The following ETFA variants were observed in gnomAD, a reference collection of about 807,000 sequenced individuals.
ETFA encodes the protein electron transfer flavoprotein subunit alpha.
Under a neutral mutation model 46.2 loss-of-function variants are expected in ETFA, and 22 were observed. That is an observed-to-expected ratio of 0.48 (90% confidence interval 0.34 to 0.68). The LOEUF is 0.68. ETFA is among the 30% of genes least tolerant of loss of function. The pLI is 0.01. For synonymous variants in ETFA, 131 were observed against 139.9 expected (o/e 0.94, Z 0.45); for missense variants, 345 against 401.1 (o/e 0.86, Z 1.19).
In ETFA at chr15:76,254,277, T is replaced by G. The variant is rs2039328922; in HGVS notation, c.816+20135A>C. The stretch of plus-strand genomic sequence containing the variant: ...GAACCACAGAGGGAGAACCACAAAC[T>G]CTGTACATACACTCCACTCAAAACT... On this transcript the variant is annotated intron_variant, in intron 9 of 11. Coordinates refer to ENST00000557943, the MANE Select transcript of ETFA (RefSeq NM_000126.4). 3.9e-5 allele frequency among the ~76,000 whole-genome samples: 6 copies of G among 152,068 alleles called. No individual in the cohort carries two copies. In the South Asian group the frequency reaches 1.2e-3, roughly 32 times the overall value.
intron 4 of ETFA, among the ~76,000 whole-genome samples, chr15:76,288,920 C>CTTCTTCTTCT (rs1225461781): frequency 9.1e-6 from 1 of 110,120 alleles, no homozygotes; most frequent in Admixed American, 1.1e-4. Flanking sequence ...TCTTCTTCTT[C>CTTCTTCTTCT]TTTTTTTTTT....
At chr15:76,275,956 A>G (rs943516905) in intron 8 of ETFA, among the ~76,000 whole-genome samples, 7 of 152,186 alleles carry the variant, frequency 4.6e-5, no homozygotes, top group African/African-American at 1.4e-4. Context: ...ACATGAGCAT[A>G]TGTAATTGAA....
rs369184590 is a variant in ETFA, at chr15:76,289,357, C to T, written c.352-1412G>A. On this transcript the variant is annotated intron_variant, in intron 4 of 11. Coordinates refer to ENST00000557943, the MANE Select transcript of ETFA (RefSeq NM_000126.4). Reference sequence around the variant, plus strand: ...TCAGGAATTATTACTGGAATAGTTACTTGGCTGAACAGATTATCTTACAAA... The same window carrying T: ...TCAGGAATTATTACTGGAATAGTTATTTGGCTGAACAGATTATCTTACAAA... 1.1e-3 allele frequency among the ~76,000 whole-genome samples: 167 copies of T among 152,324 alleles called. 1 individual carries two copies. Among genetic ancestry groups the T allele is most frequent in the African/African-American group, 3.9e-3 (164 of 41,582 alleles).
rs193246744 is a variant in ETFA, at chr15:76,292,046, C to T, written c.351+385G>A. Among the ~76,000 whole-genome samples the T allele has an allele frequency of 1.2e-4, 19 of 152,218 alleles. 1 individual carries two copies. Among genetic ancestry groups the T allele is most frequent in the Admixed American group, 9.8e-4 (15 of 15,292 alleles). On this transcript the variant is annotated intron_variant, in intron 4 of 11. Transcript: ENST00000557943. ...CCACAAGCCCTTTCCAAATTCCCTA[C>T]GTAGATAAAATTTGGCTTTTCTAGA...
intron 9 of ETFA, chr15:76,260,390 G>C: frequency 6.4e-7 from 1 of 1,567,530 alleles, no homozygotes; most frequent in East Asian, 2.2e-5. Context: ...CCGTCACCAG[G>C]GCCGTTAGCA....
At chr15:76,236,220 A>G (rs943726241) in intron 9 of ETFA, among the ~76,000 whole-genome samples, 2 of 152,148 alleles carry the variant, frequency 1.3e-5, no homozygotes, top group Non-Finnish European at 2.9e-5. Flanking sequence ...GCTACATTGC[A>G]TTTTCGCTCA....
chr15:76,226,001 A>ATTTCC (rs2039000165), intron 10 of ETFA, 72 bp from the exon 11 acceptor site: 1 of 521,928 alleles, frequency 1.9e-6, no homozygotes, highest in East Asian at 3.8e-5. Context: ...TTCTATTTTA[A>ATTTCC]CTTCCAATAT....
intron 9 of ETFA, among the ~76,000 whole-genome samples, chr15:76,265,521 T>C (rs2039462184): frequency 6.6e-6 from 1 of 152,194 alleles, no homozygotes; most frequent in South Asian, 2.1e-4. Context: ...ATACTGGAGC[T>C]GATGTCTCTA....
intron 9 of ETFA, among the ~76,000 whole-genome samples, chr15:76,273,499 G>A (rs1056008885): frequency 6.6e-6 from 1 of 151,920 alleles, no homozygotes; most frequent in Non-Finnish European, 1.5e-5. Context: ...AGGTTGCAGT[G>A]AGCCGAGATT....
At chr15:76,227,646 T>G (rs1364319514) in intron 10 of ETFA, 1 of 368,092 alleles carries the variant, frequency 2.7e-6, no homozygotes, top group Non-Finnish European at 5.3e-6. Context: ...TAATGTAGTA[T>G]TATTTTAATA....
At position 76,295,575 on chromosome 15, in the gene ETFA, C is replaced by A. The variant is rs146932936; in HGVS notation, c.186+16G>T. ...GGAGATAATATTTGCTATGGCTGAC[C>A]TTAAAAATTTCTCACCTTGTCACAT... On this transcript the variant is annotated intron_variant, in intron 2 of 11. Coordinates refer to ENST00000557943, the MANE Select transcript of ETFA (RefSeq NM_000126.4). 627 of 1,609,624 alleles carry A rather than the reference C, an allele frequency of 3.9e-4. 1 individual carries two copies. In the African/African-American group the frequency reaches 7.4e-3, roughly 19 times the overall value.
intron 9 of ETFA, among the ~76,000 whole-genome samples, chr15:76,252,370 A>G (rs960855644): frequency 6.6e-6 from 1 of 152,144 alleles, no homozygotes; most frequent in Non-Finnish European, 1.5e-5. Flanking sequence ...TTTTATTTAC[A>G]CACTCTCACC....
At chr15:76,228,379 T>A (rs1042089022) in intron 10 of ETFA, 6 of 203,170 alleles carry the variant, frequency 3.0e-5, no homozygotes, top group African/African-American at 1.2e-4. Context: ...GAGATGGGGT[T>A]CTCACTGTGT....
Position 76,265,562 on chromosome 15 carries a change from T to C in ETFA, c.816+8850A>G, listed in dbSNP as rs963580485. Among the ~76,000 whole-genome samples the C allele has an allele frequency of 1.1e-3, 175 of 152,288 alleles. 3 individuals carry two copies. The highest frequency in any genetic ancestry group is 0.011 in the Admixed American group (175 of 15,288). On this transcript the variant is annotated intron_variant, in intron 9 of 11. Coordinates refer to ENST00000557943, the MANE Select transcript of ETFA (RefSeq NM_000126.4). ...TGCTTTAAATCAATGGCCTCGACACTTGCCCAGACAAAAGACTTCCACGGG... is the reference window on the plus strand; with the variant it reads ...TGCTTTAAATCAATGGCCTCGACACCTGCCCAGACAAAAGACTTCCACGGG...
intron 7 of ETFA, 75 bp downstream of exon 7, chr15:76,285,562 A>C: frequency 2.3e-6 from 2 of 872,110 alleles, no homozygotes; most frequent in Non-Finnish European, 1.9e-6. Flanking sequence ...TGTACTTCTA[A>C]AATAAATACT....
intron 1 of ETFA, among the ~76,000 whole-genome samples, chr15:76,310,438 C>G (rs1247717001): frequency 6.7e-6 from 1 of 148,392 alleles, no homozygotes; most frequent in Non-Finnish European, 1.5e-5. Flanking sequence ...CCCAAGTTTA[C>G]CAATCTTGTT....
chr15:76,259,959 A>G (rs1332729382), intron 9 of ETFA: 4 of 1,418,302 alleles, frequency 2.8e-6, no homozygotes, highest in African/African-American at 1.4e-5. Flanking sequence ...TTACCCCAAC[A>G]AGTTTGGCCA....
intron 9 of ETFA, among the ~76,000 whole-genome samples, chr15:76,266,284 T>C (rs1185009958): frequency 2.0e-5 from 3 of 152,150 alleles, no homozygotes; most frequent in Non-Finnish European, 4.4e-5. Context: ...TTGCTTTTAC[T>C]GTTCCCGCCA....
intron 9 of ETFA, among the ~76,000 whole-genome samples, chr15:76,266,356 T>C (rs1034311573): frequency 3.0e-4 from 45 of 152,180 alleles, no homozygotes; most frequent in African/African-American, 1.0e-3. Context: ...GCATATTAAA[T>C]AGCCCGACTA....
Sources: allele counts gnomAD v4.1 joint callset (sites outside exome capture counted in the v4.1 genomes callset), GRCh38; gene constraint gnomAD v4.1.1; transcripts MANE v1.5; gene names NCBI Gene and HGNC (gene_info 2026-07-23, HGNC 2026-07-21).